CHD9: variants seen among roughly 807,000 people sequenced by gnomAD.
CHD9 encodes ATP-dependent chromatin remodeler CHD9.
In CHD9, 77 loss-of-function variants were observed where a neutral mutation model predicts 316.1. The observed-to-expected ratio is 0.24, with a 90% CI of 0.20 to 0.29. CHD9 has a LOEUF of 0.29. Among genes scored for constraint, CHD9 ranks in the 10% least tolerant of loss-of-function variants. The pLI is 1.00. For synonymous variants in CHD9, 1,129 were observed against 1,158.3 expected (o/e 0.97, Z 0.51); for missense variants, 2,763 against 3,438.1 (o/e 0.80, Z 4.91).
At chr16:53,126,701 T>G (rs2038983143) in intron 1 of CHD9, among the ~76,000 whole-genome samples, 1 of 151,726 alleles carries the variant, frequency 6.6e-6, no homozygotes, top group African/African-American at 2.4e-5. Context: ...CTTTCTCTGA[T>G]GGAGTCTCAC....
intron 2 of CHD9, among the ~76,000 whole-genome samples, chr16:53,184,800 A>G (rs1401809658): frequency 6.6e-6 from 1 of 152,146 alleles, no homozygotes; most frequent in Non-Finnish European, 1.5e-5. Flanking sequence ...TCACAGGGGC[A>G]GTTTCCACCA....
At chr16:53,073,939 T>C (rs2034308330) in intron 1 of CHD9, among the ~76,000 whole-genome samples, 1 of 152,162 alleles carries the variant, frequency 6.6e-6, no homozygotes. Context: ...ACTTTGGAAC[T>C]GGGTAATAGG....
chr16:53,147,136 T>C (rs1312022704), intron 1 of CHD9, among the ~76,000 whole-genome samples: 2 of 152,194 alleles, frequency 1.3e-5, no homozygotes, highest in Non-Finnish European at 1.5e-5. Context: ...GAATGTTAGC[T>C]AGTACTAAGT....
intron 1 of CHD9, among the ~76,000 whole-genome samples, chr16:53,098,270 G>A (rs2036545240): frequency 6.6e-6 from 1 of 152,066 alleles, no homozygotes; most frequent in African/African-American, 2.4e-5. Flanking sequence ...GAGGTCAGGA[G>A]TTCAAGACCA....
At chr16:53,286,712 G>T (rs1176636421) in intron 26 of CHD9, among the ~76,000 whole-genome samples, 1 of 151,972 alleles carries the variant, frequency 6.6e-6, no homozygotes, top group African/African-American at 2.4e-5. Flanking sequence ...ATCCATGGGG[G>T]ATTTTGGTAT....
intron 1 of CHD9, among the ~76,000 whole-genome samples, chr16:53,131,880 C>G (rs530760801): frequency 1.7e-4 from 26 of 152,294 alleles, no homozygotes; most frequent in Non-Finnish European, 2.2e-4. Context: ...CTCTCCCCGT[C>G]TGCAGCGTGG....
rs1365397984 is a variant in CHD9 at position 53,254,477 on chromosome 16, G to T, written c.3901G>T (p.Val1301Phe). The T allele has an allele frequency of 6.2e-7, 1 of 1,611,570 alleles. No individual in the cohort carries two copies. ...CCACAGAATTGGTCAGAACAAAGCA[G>T]TTAAAGTCTACAGACTGGTAACTCG... is the stretch of plus-strand genomic sequence containing the variant. Reference protein sequence around the residue: ...RCHRIGQNKAVKVYRLVTRNS... With the variant: ...RCHRIGQNKAFKVYRLVTRNS... The change falls in exon 18 of 39, where the codon GTT becomes TTT. Residue 1301 changes from valine (V) to phenylalanine (F), a missense_variant. Around this residue, in one of 15 missense-constraint regions of CHD9, gnomAD observed 199 missense variants for 251.7 expected, o/e 0.79. Transcript: ENST00000447540.
chr16:53,126,586 C>CTTTTTTTTT (rs200069064), intron 1 of CHD9, among the ~76,000 whole-genome samples: 1 of 117,656 alleles, frequency 8.5e-6, no homozygotes, highest in African/African-American at 3.2e-5. Flanking sequence ...TTTCAGGATC[C>CTTTTTTTTT]TTTTTTTTTT....
intron 20 of CHD9, among the ~76,000 whole-genome samples, chr16:53,264,565 A>G (rs918549528): frequency 4.6e-5 from 7 of 152,204 alleles, no homozygotes; most frequent in African/African-American, 1.7e-4. Context: ...TCAGCAGTAT[A>G]TATTGGTAAT....
chr16:53,167,674 T>C (rs534829493), intron 2 of CHD9, among the ~76,000 whole-genome samples: 1 of 151,982 alleles, frequency 6.6e-6, no homozygotes, highest in Non-Finnish European at 1.5e-5. Context: ...AAATACATAT[T>C]ATATACATAA....
rs939605616 is a variant in CHD9 at position 53,149,761 on chromosome 16, T to G, written c.-164-6165T>G. Among the ~76,000 whole-genome samples the G allele has an allele frequency of 3.3e-5, 4 of 122,250 alleles. No homozygotes were observed. In the East Asian group the frequency reaches 1.1e-3, roughly 34 times the overall value. The allele number at this position is 122,250 out of a possible 152,430, so 80.2% of individuals were successfully genotyped here. Reference sequence around the variant, plus strand: ...ATTTTGTAGAAATGGGGTCTTGCTGTGTGTCCCAGGCAGGTCTTGAACTCC... The same window carrying G: ...ATTTTGTAGAAATGGGGTCTTGCTGGGTGTCCCAGGCAGGTCTTGAACTCC... On this transcript the variant is annotated intron_variant, in intron 1 of 38. Transcript: ENST00000447540.
chr16:53,084,070 T>C, intron 1 of CHD9, among the ~76,000 whole-genome samples: 1 of 152,018 alleles, frequency 6.6e-6, no homozygotes, highest in South Asian at 2.1e-4. Flanking sequence ...TTTTGAATTT[T>C]TTTGTAGAGG....
At chr16:53,128,716 C>G (rs2039083127) in intron 1 of CHD9, among the ~76,000 whole-genome samples, 1 of 152,166 alleles carries the variant, frequency 6.6e-6, no homozygotes, top group Non-Finnish European at 1.5e-5. Context: ...CCCAGAGTCC[C>G]CATATTCAGA....
rs776921609 is a variant in CHD9 at position 53,263,084 on chromosome 16, C to G, written c.4307C>G (p.Ala1436Gly). The part of the protein sequence containing the change: ...WAKKAEIDIE[A>G]ISGRNSLVID... ...AAAAAGGCAGAAATAGATATAGAGG[C>G]CATCAGTGGCAGAGTAAGTATTTTT... The change falls in exon 20 of 39, where the codon GCC becomes GGC. Residue 1436 changes from alanine to glycine, a missense_variant. Coordinates refer to ENST00000447540, the MANE Select transcript of CHD9 (RefSeq NM_001308319.2). 17 of 1,609,500 alleles carry G rather than the reference C, an allele frequency of 1.1e-5. No homozygotes were observed. Among genetic ancestry groups the G allele is most frequent in the Non-Finnish European group, 1.4e-5 (17 of 1,177,130 alleles).
chr16:53,093,308 G>A (rs1724192830), intron 1 of CHD9, among the ~76,000 whole-genome samples: 1 of 152,188 alleles, frequency 6.6e-6, no homozygotes, highest in African/African-American at 2.4e-5. Context: ...TCTGCAGAAT[G>A]TGAATAACAA....
Position 53,314,950 on chromosome 16 carries a change from G to A in CHD9, c.7490G>A (p.Arg2497Lys). 3.1e-6 allele frequency: 5 copies of A among 1,613,832 alleles called. No homozygotes were observed. Among genetic ancestry groups the A allele is most frequent in the Non-Finnish European group, 4.2e-6 (5 of 1,179,812 alleles). Residue 2497 changes from arginine to lysine, a missense_variant, in exon 36 of 39, where the codon AGA (arginine) becomes AAA (lysine). This residue lies in a region of CHD9 where 663 missense variants were observed against 751.2 expected (regional missense o/e 0.88). Coordinates refer to ENST00000447540, the MANE Select transcript of CHD9 (RefSeq NM_001308319.2). ...VPVINLKDGT[R>K]LAGDDAPKRK... The stretch of plus-strand genomic sequence containing the variant: ...GTTATTAATCTTAAAGATGGAACGA[G>A]ACTTGCAGGAGATGATGCACCAAAG...
In CHD9 at chr16:53,245,562, A is replaced by T. The variant is rs201828426; in HGVS notation, c.3199-33A>T. ...TGTATGTGTAATTAAATGCTCACTT[A>T]TGTTATATGTCTTTTTATCATTTTT... On this transcript the variant is annotated intron_variant, in intron 14 of 38. Transcript: ENST00000447540. This position sits in a 1 kb window ranked among gnomAD's most constrained non-coding sequence, Gnocchi z 4.1. 109 of 1,539,264 alleles carry T rather than the reference A, an allele frequency of 7.1e-5. 1 individual carries two copies. The African/African-American group carries it at 1.3e-3, about 18-fold the overall frequency.
At position 53,318,240 on chromosome 16, in the gene CHD9, A is replaced by G. The variant is rs2153108904; in HGVS notation, c.7613A>G (p.Lys2538Arg). Reference protein sequence around the residue: ...PRMQLHEGRPKQKRHRCRNPN... With the variant: ...PRMQLHEGRPRQKRHRCRNPN... Reference sequence around the variant, plus strand: ...ATGCAGCTTCATGAGGGAAGACCCAAACAAAAAAGACACCGTTGCAGAAAC... The same window carrying G: ...ATGCAGCTTCATGAGGGAAGACCCAGACAAAAAAGACACCGTTGCAGAAAC... Residue 2538 changes from lysine (K) to arginine (R), a missense_variant, in exon 37 of 39, where the codon AAA (lysine) becomes AGA (arginine). Lys to Arg is a conservative substitution (Grantham distance 26). This residue lies in a region of CHD9 where 19 missense variants were observed against 44.5 expected (regional missense o/e 0.43). Coordinates refer to ENST00000447540, the MANE Select transcript of CHD9 (RefSeq NM_001308319.2). 6.2e-7 allele frequency: 1 copy of G among 1,613,144 alleles called. No individual in the cohort carries two copies. The highest frequency in any genetic ancestry group is 1.3e-5 in the African/African-American group (1 of 75,000).
chr16:53,291,896 T>C, intron 28 of CHD9, 129 bp downstream of exon 28: 1 of 537,152 alleles, frequency 1.9e-6, no homozygotes, highest in Non-Finnish European at 3.1e-6. Flanking sequence ...GCCATTGTAA[T>C]CGTTATAGGA....
Sources: allele counts gnomAD v4.1 joint callset (sites outside exome capture counted in the v4.1 genomes callset), GRCh38; gene constraint gnomAD v4.1.1; regional missense constraint gnomAD v4.1.1; non-coding constraint Gnocchi (gnomAD v3.1); transcripts MANE v1.5; gene names NCBI Gene and HGNC (gene_info 2026-07-23, HGNC 2026-07-21).